The following RMDN2 variants were observed in gnomAD, a reference collection of about 807,000 sequenced individuals.
RMDN2 encodes regulator of microtubule dynamics protein 2.
RMDN2 carries 61 observed loss-of-function variants against 52.8 expected under a neutral mutation model. The observed-to-expected ratio is 1.16, with a 90% CI of 0.94 to 1.43. The LOEUF (loss-of-function observed/expected upper bound fraction) is 1.43. Ranked by LOEUF, RMDN2 falls within the 40% of genes most tolerant of loss-of-function variation. RMDN2 has a pLI of 0.00. For missense variants in RMDN2, 592 were observed against 475.3 expected (o/e 1.25, Z -2.28); for synonymous variants, 180 against 153.1 (o/e 1.18, Z -1.30).
chr2:37,965,822 C>T (rs986849281), intron 2 of RMDN2, among the ~76,000 whole-genome samples: 12 of 152,126 alleles, frequency 7.9e-5, no homozygotes, highest in Admixed American at 3.9e-4. Flanking sequence ...ACTTCCTCAG[C>T]TTTTATTTAG....
At chr2:38,058,381 GA>G (rs944798425) in intron 10 of RMDN2, among the ~76,000 whole-genome samples, 20 of 152,238 alleles carry the variant, frequency 1.3e-4, no homozygotes, top group African/African-American at 4.6e-4. Context: ...AGCATGAGGG[GA>G]AGACCCTCTT....
intron 10 of RMDN2, among the ~76,000 whole-genome samples, chr2:38,031,800 C>T (rs1031721388): frequency 2.0e-5 from 3 of 152,182 alleles, no homozygotes; most frequent in Non-Finnish European, 2.9e-5. Flanking sequence ...CCTGAGCAGA[C>T]GCCTTCCTCG....
At chr2:38,020,792 C>T (rs962739941), downstream of RMDN2, among the ~76,000 whole-genome samples, 11 of 152,154 alleles carry the variant, frequency 7.2e-5, no homozygotes, top group Non-Finnish European at 1.6e-4. Flanking sequence ...CTGAACCTCC[C>T]CCGCCTCCTT....
chr2:38,051,330 A>G (rs896679640), intron 10 of RMDN2, among the ~76,000 whole-genome samples: 4 of 152,210 alleles, frequency 2.6e-5, no homozygotes, highest in African/African-American at 7.2e-5. Flanking sequence ...ATGGTGATAG[A>G]ACTTTAAATT....
chr2:37,928,360 A>G (rs1342920013), intron 1 of RMDN2, among the ~76,000 whole-genome samples: 1 of 152,226 alleles, frequency 6.6e-6, no homozygotes, highest in Admixed American at 6.5e-5. Flanking sequence ...AGCATTTGAA[A>G]CATTACATTT....
chr2:38,006,930 G>C (rs568473578), intron 10 of RMDN2, among the ~76,000 whole-genome samples: 73 of 152,204 alleles, frequency 4.8e-4, no homozygotes, highest in African/African-American at 1.7e-3. Context: ...GTTGAATTTT[G>C]TCAAAGGCCT....
intron 1 of RMDN2, among the ~76,000 whole-genome samples, chr2:37,926,121 T>C (rs1666257635): frequency 6.6e-6 from 1 of 152,246 alleles, no homozygotes; most frequent in Non-Finnish European, 1.5e-5. Flanking sequence ...TTTTTTGTAA[T>C]GTCTCTTTAT....
chr2:37,997,739 C>G (rs1008455082), intron 8 of RMDN2: 2 of 459,984 alleles, frequency 4.3e-6, no homozygotes, highest in Admixed American at 3.8e-5. Flanking sequence ...TTACAAACTA[C>G]TTTTTAAAAA....
chr2:37,923,813 G>A (rs1169350580), upstream of RMDN2, among the ~76,000 whole-genome samples: 1 of 152,174 alleles, frequency 6.6e-6, no homozygotes, highest in Non-Finnish European at 1.5e-5. Context: ...GCAGTGGCCC[G>A]ATCTCGGCTC....
intron 5 of RMDN2, among the ~76,000 whole-genome samples, chr2:37,982,048 A>C (rs1036958127): frequency 3.9e-5 from 6 of 152,246 alleles, no homozygotes; most frequent in Admixed American, 2.0e-4. Flanking sequence ...GGAAGATACA[A>C]TAATAAATGT....
intron 2 of RMDN2, among the ~76,000 whole-genome samples, chr2:37,935,221 A>G (rs557702939): frequency 1.3e-5 from 2 of 152,250 alleles, no homozygotes; most frequent in Non-Finnish European, 2.9e-5. Context: ...ATTGCCTTAG[A>G]TAATATTACT....
chr2:38,065,211 A>G (rs1199711174), intron 10 of RMDN2, among the ~76,000 whole-genome samples: 2 of 152,212 alleles, frequency 1.3e-5, no homozygotes, highest in Admixed American at 6.5e-5. Flanking sequence ...AGATTAAGCA[A>G]CAGGATGAGA....
At chr2:37,981,405 G>A in intron 5 of RMDN2, 62 bp downstream of exon 5, 1 of 1,130,058 alleles carries the variant, frequency 8.8e-7, no homozygotes. Flanking sequence ...AAATTAAATG[G>A]ATTTTTCAAA....
chr2:38,035,016 A>G (rs914066726), intron 10 of RMDN2, among the ~76,000 whole-genome samples: 3 of 152,172 alleles, frequency 2.0e-5, no homozygotes, highest in South Asian at 2.1e-4. Context: ...AGACAAACAA[A>G]TTAGAATATT....
At chr2:38,054,300 A>C (rs115798688) in intron 10 of RMDN2, among the ~76,000 whole-genome samples, 1 of 152,382 alleles carries the variant, frequency 6.6e-6, no homozygotes, top group African/African-American at 2.4e-5. Flanking sequence ...AAAAAGATGA[A>C]TGCTTTGGAA....
At chr2:37,963,608 A>G (rs1670582399) in intron 2 of RMDN2, among the ~76,000 whole-genome samples, 1 of 152,226 alleles carries the variant, frequency 6.6e-6, no homozygotes, top group Non-Finnish European at 1.5e-5. Context: ...GACACAGCAC[A>G]TGTTTCAGAG....
chr2:38,019,277 G>A (rs980913990), downstream of RMDN2, among the ~76,000 whole-genome samples: 1 of 152,166 alleles, frequency 6.6e-6, no homozygotes, highest in Admixed American at 6.5e-5. Flanking sequence ...CGAATTATGA[G>A]GACTACCAAG....
chr2:37,990,045 A>C (rs1674557261), intron 6 of RMDN2, among the ~76,000 whole-genome samples: 1 of 150,542 alleles, frequency 6.6e-6, no homozygotes, highest in Non-Finnish European at 1.5e-5. Flanking sequence ...CAGGAGGCTG[A>C]GGCAGGAGAA....
At chr2:37,988,166 C>T (rs1674290998) in intron 5 of RMDN2, among the ~76,000 whole-genome samples, 1 of 152,150 alleles carries the variant, frequency 6.6e-6, no homozygotes. Context: ...AAAAGTGCTC[C>T]AAAACATAGT....
Sources: gnomAD v4.1 joint callset for allele counts (sites outside exome capture counted in the v4.1 genomes callset) on GRCh38, gnomAD v4.1.1 for gene constraint, MANE v1.5 for transcripts, NCBI Gene and HGNC (gene_info 2026-07-23, HGNC 2026-07-21) for gene names.